ADGRV1: variants seen among roughly 807,000 people sequenced by gnomAD.
The protein encoded by ADGRV1 is G-protein coupled receptor 98.
Under a neutral mutation model 596.2 loss-of-function variants are expected in ADGRV1, and 359 were observed. That is an observed-to-expected ratio of 0.60 (90% CI 0.55 to 0.66). The LOEUF (loss-of-function observed/expected upper bound fraction) is 0.66, where lower values mean the gene tolerates loss of function less well. ADGRV1 is among the 30% of genes least tolerant of loss of function. ADGRV1 has a pLI of 0.00. For synonymous variants in ADGRV1, 2,681 were observed against 2,679.2 expected, an observed-to-expected ratio of 1.00 and a Z score of -0.02; for missense variants, 7,274 against 7,575.6, an observed-to-expected ratio of 0.96 and a Z score of 1.48.
At chr5:90,768,965 A>G (rs900768153) in intron 59 of ADGRV1, among the ~76,000 whole-genome samples, 4 of 152,202 alleles carry the variant, frequency 2.6e-5, no homozygotes, top group African/African-American at 9.6e-5. Context: ...TTGTTTTGAA[A>G]TGGGACTGAC....
At chr5:90,632,802 G>A (rs1200741677) in intron 9 of ADGRV1, among the ~76,000 whole-genome samples, 1 of 152,150 alleles carries the variant, frequency 6.6e-6, no homozygotes, top group East Asian at 1.9e-4. Flanking sequence ...AAAACCAAAG[G>A]TCTTACAGTG....
At chr5:90,695,502 G>C (rs1045411082) in intron 33 of ADGRV1, among the ~76,000 whole-genome samples, 1 of 151,926 alleles carries the variant, frequency 6.6e-6, no homozygotes, top group South Asian at 2.1e-4. Flanking sequence ...GTGCTTTTCT[G>C]GTTGAAAAAG....
At chr5:90,917,936 C>A (rs1163659698) in intron 83 of ADGRV1, among the ~76,000 whole-genome samples, 1 of 151,870 alleles carries the variant, frequency 6.6e-6, no homozygotes, top group African/African-American at 2.4e-5. Flanking sequence ...CTTTATCTGT[C>A]TTATTTTATT....
intron 21 of ADGRV1, among the ~76,000 whole-genome samples, chr5:90,668,699 C>T (rs1009649388): frequency 1.5e-4 from 22 of 151,698 alleles, no homozygotes; most frequent in African/African-American, 5.3e-4. Flanking sequence ...AAAAAATTTA[C>T]TTTATTGTAC....
chr5:90,979,489 G>A (rs1384681702), intron 84 of ADGRV1, among the ~76,000 whole-genome samples: 1 of 152,018 alleles, frequency 6.6e-6, no homozygotes, highest in Admixed American at 6.5e-5. Flanking sequence ...CAATTTATAT[G>A]GAAATAAATC....
Position 90,781,768 on chromosome 5 carries a change from A to G in ADGRV1, c.13231+190A>G, listed in dbSNP as rs182030046. ...TTATCTTTGGGTAGTCTTGAACCTT[A>G]CTGTGAATGGCAATGTTAGGAACAA... On this transcript the variant is annotated intron_variant, in intron 65 of 89. Coordinates refer to ENST00000405460, the MANE Select transcript of ADGRV1 (RefSeq NM_032119.4). Among the ~76,000 whole-genome samples, 190 of 152,278 alleles carry G rather than the reference A, an allele frequency of 1.2e-3. 4 individuals are homozygous for G. The highest frequency in any genetic ancestry group is 3.4e-3 in the Middle Eastern group (1 of 294).
chr5:90,640,338 T>A (rs1766803742), intron 11 of ADGRV1, among the ~76,000 whole-genome samples: 1 of 152,204 alleles, frequency 6.6e-6, no homozygotes, highest in African/African-American at 2.4e-5. Context: ...CCTGTGCAAA[T>A]GATATAGGTA....
At chr5:91,105,520 T>C (rs1259144523) in intron 87 of ADGRV1, among the ~76,000 whole-genome samples, 2 of 152,254 alleles carry the variant, frequency 1.3e-5, no homozygotes, top group Non-Finnish European at 2.9e-5. Flanking sequence ...TTTTTGATGA[T>C]AGTCATCCTA....
chr5:91,104,679 T>C (rs1056695312), intron 87 of ADGRV1, among the ~76,000 whole-genome samples: 1 of 152,116 alleles, frequency 6.6e-6, no homozygotes, highest in Non-Finnish European at 1.5e-5. Context: ...AGTGAGAGCA[T>C]GCAATGTCTA....
At chr5:91,057,129 G>T (rs1786954510) in intron 85 of ADGRV1, among the ~76,000 whole-genome samples, 1 of 152,186 alleles carries the variant, frequency 6.6e-6, no homozygotes, top group African/African-American at 2.4e-5. Flanking sequence ...AACTATATGA[G>T]TAAGGAAGAG....
At chr5:90,918,838 T>C (rs2150729088) in intron 83 of ADGRV1, among the ~76,000 whole-genome samples, 1 of 152,288 alleles carries the variant, frequency 6.6e-6, no homozygotes, top group Admixed American at 6.5e-5. Context: ...GTGGAAGAAA[T>C]TTACACCAGC....
chr5:90,685,433 A>G (rs1218064319), intron 28 of ADGRV1, among the ~76,000 whole-genome samples: 1 of 151,966 alleles, frequency 6.6e-6, no homozygotes, highest in East Asian at 1.9e-4. Flanking sequence ...AATATAAAAG[A>G]AATTAGCCGG....
chr5:90,712,691 T>C (rs1274490509), intron 42 of ADGRV1, among the ~76,000 whole-genome samples: 3 of 152,174 alleles, frequency 2.0e-5, no homozygotes, highest in Non-Finnish European at 4.4e-5. Context: ...TGTAGGATTA[T>C]TTAATTTGTA....
At chr5:90,839,664 A>G (rs904295092) in intron 77 of ADGRV1, among the ~76,000 whole-genome samples, 1 of 152,180 alleles carries the variant, frequency 6.6e-6, no homozygotes, top group Non-Finnish European at 1.5e-5. Flanking sequence ...TATGTAGCCT[A>G]TTCATTTATT....
At chr5:90,661,931 C>A in intron 21 of ADGRV1, among the ~76,000 whole-genome samples, 1 of 152,096 alleles carries the variant, frequency 6.6e-6, no homozygotes, top group East Asian at 1.9e-4. Flanking sequence ...AAGTGTTGCC[C>A]TTGGATGACC....
chr5:90,657,760 C>A, intron 20 of ADGRV1, 145 bp from the exon 21 acceptor site: 1 of 610,590 alleles, frequency 1.6e-6, no homozygotes. Flanking sequence ...AGATAATATC[C>A]AATTCATTGT....
At chr5:91,125,614 A>G (rs746795659) in intron 87 of ADGRV1, among the ~76,000 whole-genome samples, 26 of 152,254 alleles carry the variant, frequency 1.7e-4, no homozygotes, top group Non-Finnish European at 2.2e-4. Flanking sequence ...GAAATAACAC[A>G]TAATATGCTT....
At position 90,628,599 on chromosome 5, in the gene ADGRV1, C is replaced by T. The variant is rs762260932; in HGVS notation, c.1276C>T (p.His426Tyr). ...CACAGTGGTTAGAAATGGAGGAACC[C>T]ATGGGAATGTCTCTGCGAATTGGGT... The part of the protein sequence containing the change: ...EITVVRNGGT[H>Y]GNVSANWVLT... Residue 426 changes from histidine (H) to tyrosine (Y), a missense_variant, in exon 8 of 90, where the codon CAT becomes TAT. By Grantham distance (83) the His-to-Tyr change is moderately conservative. This residue lies in a region of ADGRV1 where 1,715 missense variants were observed against 1,708.8 expected (regional missense o/e 1.00). Coordinates refer to ENST00000405460, the MANE Select transcript of ADGRV1 (RefSeq NM_032119.4). 6.2e-7 allele frequency: 1 copy of T among 1,613,740 alleles called. No homozygotes were observed. The highest frequency in any genetic ancestry group is 8.5e-7 in the Non-Finnish European group (1 of 1,179,704).
At chr5:91,002,333 C>G (rs1045017741) in intron 85 of ADGRV1, among the ~76,000 whole-genome samples, 2 of 152,104 alleles carry the variant, frequency 1.3e-5, no homozygotes, top group Non-Finnish European at 2.9e-5. Context: ...TTTTTAAAAA[C>G]AGTTTGCAGC....
Sources: gnomAD v4.1 joint callset for allele counts (sites outside exome capture counted in the v4.1 genomes callset) on GRCh38, gnomAD v4.1.1 for gene constraint, gnomAD v4.1.1 regional missense constraint, MANE v1.5 for transcripts, NCBI Gene and HGNC (gene_info 2026-07-23, HGNC 2026-07-21) for gene names.